The following HIRA variants were observed in gnomAD, a reference collection of about 807,000 sequenced individuals.
The protein encoded by HIRA is protein HIRA.
A neutral mutation model predicts 126.6 loss-of-function variants in HIRA; 13 were observed. The ratio of observed to expected loss-of-function variants is 0.10; its 90% CI spans 0.07 to 0.16. The LOEUF (loss-of-function observed/expected upper bound fraction) is 0.16, where lower values mean the gene tolerates loss of function less well. Among genes scored for constraint, HIRA ranks in the 10% least tolerant of loss-of-function variants. The pLI is 1.00. For missense variants in HIRA, 834 were observed against 1,314.4 expected (o/e 0.63, Z 5.65); for synonymous variants, 511 against 520.0 (o/e 0.98, Z 0.24).
chr22:19,335,297 T>C (rs1164948427), intron 24 of HIRA, among the ~76,000 whole-genome samples: 1 of 151,934 alleles, frequency 6.6e-6, no homozygotes, highest in Non-Finnish European at 1.5e-5. Flanking sequence ...CAGGCTGGAG[T>C]GCAGTGGCGT....
At chr22:19,367,642 C>T (rs938808106) in intron 15 of HIRA, among the ~76,000 whole-genome samples, 2 of 152,210 alleles carry the variant, frequency 1.3e-5, no homozygotes, top group Non-Finnish European at 2.9e-5. Flanking sequence ...GCTGAGATTA[C>T]AGGTATGAGC....
chr22:19,364,524 T>C (rs1374912568), intron 15 of HIRA, among the ~76,000 whole-genome samples: 1 of 152,232 alleles, frequency 6.6e-6, no homozygotes, highest in Non-Finnish European at 1.5e-5. Context: ...ATTCTCACAA[T>C]ATTTCAAACA....
intron 1 of HIRA, among the ~76,000 whole-genome samples, chr22:19,424,350 C>T (rs992544869): frequency 2.0e-5 from 3 of 152,232 alleles, no homozygotes; most frequent in Non-Finnish European, 4.4e-5. Flanking sequence ...GGCTGGGGCA[C>T]AGACCTCTCC....
intron 17 of HIRA, 84 bp from the exon 18 acceptor site, chr22:19,359,568 CA>C: frequency 7.3e-7 from 1 of 1,372,042 alleles, no homozygotes. Context: ...CCTGGGGCCC[CA>C]AGGCAGCAGC....
chr22:19,385,273 C>T (rs1371400546), intron 12 of HIRA, among the ~76,000 whole-genome samples: 2 of 152,210 alleles, frequency 1.3e-5, no homozygotes, highest in East Asian at 3.9e-4. Flanking sequence ...GGATAAAATT[C>T]GTAAGTTCTT....
chr22:19,418,744 A>G (rs1210804959), intron 1 of HIRA, among the ~76,000 whole-genome samples: 1 of 152,228 alleles, frequency 6.6e-6, no homozygotes, highest in African/African-American at 2.4e-5. Context: ...AAACATACAC[A>G]CGCACAAATA....
intron 1 of HIRA, among the ~76,000 whole-genome samples, chr22:19,418,582 A>G (rs1412937382): frequency 3.8e-5 from 3 of 78,516 alleles, no homozygotes; most frequent in Non-Finnish European, 7.7e-5. Flanking sequence ...CAGTGAGCCG[A>G]GATCGCGCCT....
In HIRA at chr22:19,405,851, G is replaced by C; in HGVS notation, c.332C>G (p.Ser111Cys). The change falls in exon 5 of 25, where the codon TCC (serine) becomes TGC (cysteine). Residue 111 changes from serine (S) to cysteine (C), a missense_variant. Ser to Cys is a moderately radical substitution (Grantham distance 112, BLOSUM62 -1). Around this residue, in one of 5 missense-constraint regions of HIRA, gnomAD observed 102 missense variants for 191.4 expected, o/e 0.53. Transcript: ENST00000263208. ...TYIGPSTVFGSSGKLANVEQW... is the reference protein window; with the variant it reads ...TYIGPSTVFGCSGKLANVEQW... ...CTCCACATTGGCAAGCTTACCACTG[G>C]AGCCGAACACGGTGCTGGGGCCGAT... 4 of 1,510,660 alleles carry C rather than the reference G, an allele frequency of 2.6e-6. No homozygotes were observed. The highest frequency in any genetic ancestry group is 3.6e-6 in the Non-Finnish European group (4 of 1,123,594). 93.6% of individuals were successfully genotyped at this position (1,510,660 alleles called of 1,614,324 possible).
At chr22:19,423,417 A>G (rs1162938474) in intron 1 of HIRA, among the ~76,000 whole-genome samples, 2 of 150,712 alleles carry the variant, frequency 1.3e-5, no homozygotes, top group African/African-American at 4.9e-5. Context: ...AGAGCCTGGC[A>G]TGCTGCTTGG....
intron 2 of HIRA, among the ~76,000 whole-genome samples, chr22:19,409,809 C>A (rs903549207): frequency 6.6e-6 from 1 of 152,226 alleles, no homozygotes; most frequent in African/African-American, 2.4e-5. Flanking sequence ...CCCTCTGATT[C>A]CTTCAGCTAA....
Position 19,403,220 on chromosome 22 carries a change from T to C in HIRA, c.397+2566A>G, listed in dbSNP as rs561204096. On this transcript the variant is annotated intron_variant, in intron 5 of 24. Coordinates refer to ENST00000263208, the MANE Select transcript of HIRA (RefSeq NM_003325.4). ...AATGTTCCTTTTAAAACACCTAAGA[T>C]GACTGTAGCTTTTCCCATCTAACTT... 9.2e-5 allele frequency among the ~76,000 whole-genome samples: 14 copies of C among 152,268 alleles called. No homozygotes were observed. The South Asian group carries it at 2.9e-3, about 32-fold the overall frequency.
intron 13 of HIRA, among the ~76,000 whole-genome samples, chr22:19,382,312 T>C (rs1022465700): frequency 1.3e-5 from 2 of 152,112 alleles, no homozygotes; most frequent in Admixed American, 1.3e-4. Context: ...GAACAAAGTG[T>C]CACCATCACC....
rs2146242565 is a variant in HIRA at position 19,408,601 on chromosome 22, A to G, written c.101-8T>C. The G allele has an allele frequency of 6.5e-7, 1 of 1,533,764 alleles. No homozygotes were observed. The highest frequency in any genetic ancestry group is 9.0e-7 in the Non-Finnish European group (1 of 1,106,708). ...CCTTCCCAGAATCCTGCCCTGGAACAAAGGAGCAGAAATGGCTGAATGTGC... is the reference window on the plus strand; with the variant it reads ...CCTTCCCAGAATCCTGCCCTGGAACGAAGGAGCAGAAATGGCTGAATGTGC... On this transcript the variant is annotated splice_polypyrimidine_tract_variant and splice_region_variant and intron_variant, in intron 2 of 24. Coordinates refer to ENST00000263208, the MANE Select transcript of HIRA (RefSeq NM_003325.4).
At chr22:19,405,426 T>C (rs2089300290) in intron 5 of HIRA, 1 of 920,722 alleles carries the variant, frequency 1.1e-6, no homozygotes, top group African/African-American at 1.8e-5. Flanking sequence ...TGGGCATCTG[T>C]GAGCTGATTT....
At chr22:19,395,774 G>A (rs1401485769) in intron 7 of HIRA, among the ~76,000 whole-genome samples, 1 of 152,032 alleles carries the variant, frequency 6.6e-6, no homozygotes, top group Admixed American at 6.6e-5. Flanking sequence ...TTTCCTATGG[G>A]GCTTTAAGCT....
chr22:19,385,425 T>TAAAC (rs1350032676), intron 12 of HIRA, 96 bp downstream of exon 12: 1 of 1,253,700 alleles, frequency 8.0e-7, no homozygotes, highest in Non-Finnish European at 1.1e-6. Flanking sequence ...CGTACCACTC[T>TAAAC]AAACAAACCC....
chr22:19,399,868 C>T (rs909122884), intron 5 of HIRA, among the ~76,000 whole-genome samples: 1 of 152,152 alleles, frequency 6.6e-6, no homozygotes, highest in African/African-American at 2.4e-5. Flanking sequence ...CTTATTGTGA[C>T]CATTTACTGG....
intron 10 of HIRA, 95 bp downstream of exon 10, chr22:19,388,389 T>C (rs1200765824): frequency 2.2e-5 from 21 of 938,830 alleles, no homozygotes; most frequent in Non-Finnish European, 3.6e-5. Flanking sequence ...GAGGGGCCAC[T>C]GGCCACCTGA....
chr22:19,429,133 C>CTTTTTTTTTTTTTTTTTTTTTTT (rs57853722), intron 1 of HIRA, among the ~76,000 whole-genome samples: 4 of 77,246 alleles, frequency 5.2e-5, no homozygotes, highest in Non-Finnish European at 4.5e-5. Context: ...GTTGCCATAT[C>CTTTTTTTTTTTTTTTTTTTTTTT]TTTTTTTTTT....
Sources: gnomAD v4.1 joint callset for allele counts (sites outside exome capture counted in the v4.1 genomes callset) on GRCh38, gnomAD v4.1.1 for gene constraint, gnomAD v4.1.1 regional missense constraint, MANE v1.5 for transcripts, NCBI Gene and HGNC (gene_info 2026-07-23, HGNC 2026-07-21) for gene names.